The following WDR33 variants were observed in gnomAD, a reference collection of about 807,000 sequenced individuals.
WDR33 encodes WD repeat domain 33.
In WDR33, 47 loss-of-function variants were observed where a neutral mutation model predicts 164.9. That is an observed-to-expected ratio of 0.29 (90% confidence interval 0.23 to 0.36). WDR33 has a LOEUF of 0.36. Ranked by LOEUF, WDR33 falls within the 10% of genes least tolerant of loss-of-function variation. The pLI is 1.00. For missense variants in WDR33, 1,137 were observed against 1,754.1 expected (o/e 0.65, Z 6.28); for synonymous variants, 505 against 589.0 (o/e 0.86, Z 2.06).
Position 127,717,499 on chromosome 2 carries a change from C to T in WDR33, c.2761-236G>A, listed in dbSNP as rs1192551188. Among the ~76,000 whole-genome samples, 1 of 152,076 alleles carries T rather than the reference C, an allele frequency of 6.6e-6. No individual in the cohort carries two copies. Among genetic ancestry groups the T allele is most frequent in the African/African-American group, 2.4e-5 (1 of 41,400 alleles). On this transcript the variant is annotated intron_variant, in intron 16 of 21. Coordinates refer to ENST00000322313, the MANE Select transcript of WDR33 (RefSeq NM_018383.5). The surrounding 1 kb of genome is among the most constrained non-coding windows in gnomAD (Gnocchi z 5.6). ...TTTTATGTAAAATTAGATCTTTACTCGTAATGCCAAAAAAGAACATCAATG... is the reference window on the plus strand; with the variant it reads ...TTTTATGTAAAATTAGATCTTTACTTGTAATGCCAAAAAAGAACATCAATG...
chr2:127,733,386 A>G (rs947707736), intron 7 of WDR33, among the ~76,000 whole-genome samples: 3 of 152,196 alleles, frequency 2.0e-5, no homozygotes, highest in Non-Finnish European at 4.4e-5. Flanking sequence ...TGGGCACATG[A>G]AAGATTCAGC....
intron 7 of WDR33, among the ~76,000 whole-genome samples, chr2:127,734,331 T>A (rs183093509): frequency 6.6e-6 from 1 of 152,334 alleles, no homozygotes; most frequent in Admixed American, 6.5e-5. Context: ...TAGCTAGCTA[T>A]CCAGCTAAAC....
intron 7 of WDR33, among the ~76,000 whole-genome samples, chr2:127,739,561 A>G (rs1686955111): frequency 6.6e-6 from 1 of 152,228 alleles, no homozygotes; most frequent in Admixed American, 6.5e-5. Context: ...TACGTCCTTA[A>G]GTAATCTACT....
chr2:127,796,253 T>G (rs527957251), intron 1 of WDR33, among the ~76,000 whole-genome samples: 3 of 151,916 alleles, frequency 2.0e-5, no homozygotes, highest in African/African-American at 7.3e-5. Context: ...TTGTATATTT[T>G]TTTAGAGACA....
chr2:127,752,700 C>T (rs1003801960), intron 7 of WDR33, among the ~76,000 whole-genome samples: 2 of 151,686 alleles, frequency 1.3e-5, no homozygotes, highest in African/African-American at 4.8e-5. Flanking sequence ...AAACAGCATT[C>T]CTGGTTGATA....
chr2:127,734,692 C>G (rs949388527), intron 7 of WDR33, among the ~76,000 whole-genome samples: 2 of 152,152 alleles, frequency 1.3e-5, no homozygotes, highest in Non-Finnish European at 2.9e-5. Flanking sequence ...GACCTGAATA[C>G]TGGGGAGTAT....
rs6744355 is a variant in WDR33, at chr2:127,708,082, T to G, written c.3781+595A>C. 4.1e-3 allele frequency among the ~76,000 whole-genome samples: 620 copies of G among 152,270 alleles called. 1 individual carries two copies. Among genetic ancestry groups the G allele is most frequent in the African/African-American group, 0.014 (589 of 41,562 alleles). ...AGAAGCTTCCGAGCCACACCACCTATGCACCTCCCCCGCTGCCTTGCAACC... is the reference window on the plus strand; with the variant it reads ...AGAAGCTTCCGAGCCACACCACCTAGGCACCTCCCCCGCTGCCTTGCAACC... On this transcript the variant is annotated intron_variant, in intron 21 of 21. Transcript: ENST00000322313. The surrounding 1 kb of genome is among the most constrained non-coding windows in gnomAD (Gnocchi z 6.7).
chr2:127,795,703 T>A (rs1361166596), intron 1 of WDR33, among the ~76,000 whole-genome samples: 1 of 148,472 alleles, frequency 6.7e-6, no homozygotes, highest in African/African-American at 2.5e-5. Flanking sequence ...TGTGGTGGCA[T>A]GCTCCTGTGG....
chr2:127,805,003 A>T (rs1344018645), intron 1 of WDR33, among the ~76,000 whole-genome samples: 2 of 151,332 alleles, frequency 1.3e-5, no homozygotes, highest in African/African-American at 4.9e-5. Context: ...CACCTTATTG[A>T]AGGCTCATAG....
At chr2:127,750,730 A>G (rs1282244909) in intron 7 of WDR33, among the ~76,000 whole-genome samples, 1 of 71,632 alleles carries the variant, frequency 1.4e-5, no homozygotes, top group African/African-American at 8.4e-5. Flanking sequence ...ATGCATACAT[A>G]TATATGTATG....
At chr2:127,795,480 G>A (rs1400277972) in intron 1 of WDR33, among the ~76,000 whole-genome samples, 1 of 151,800 alleles carries the variant, frequency 6.6e-6, no homozygotes, top group African/African-American at 2.4e-5. Context: ...CTGTCAGGCA[G>A]GCAGAATTAC....
At position 127,722,568 on chromosome 2, in the gene WDR33, G is replaced by A. The variant is rs375636037; in HGVS notation, c.1518+23C>T. 3.7e-6 allele frequency: 6 copies of A among 1,608,834 alleles called. No individual in the cohort carries two copies. The African/African-American group carries it at 5.4e-5, about 14-fold the overall frequency. ...CCAACCAAAACCTCTCTGCGTGGAT[G>A]AGGTGGAGTCACTTTTACTTACCTG... On this transcript the variant is annotated intron_variant, in intron 14 of 21. Transcript: ENST00000322313. This position sits in a 1 kb window ranked among gnomAD's most constrained non-coding sequence, Gnocchi z 5.1.
intron 1 of WDR33, among the ~76,000 whole-genome samples, chr2:127,775,770 T>C (rs1425907761): frequency 6.6e-6 from 1 of 152,160 alleles, no homozygotes; most frequent in African/African-American, 2.4e-5. Context: ...ACAAATTTGT[T>C]CAGTAAAACG....
chr2:127,769,802 A>C (rs768422605), intron 2 of WDR33, among the ~76,000 whole-genome samples: 9 of 152,232 alleles, frequency 5.9e-5, no homozygotes, highest in African/African-American at 9.6e-5. Context: ...AATGAAAAAC[A>C]GACAAATTTT....
At position 127,781,027 on chromosome 2, in the gene WDR33, A is replaced by AT. The variant is rs527579608; in HGVS notation, c.-23-10024dup. Among the ~76,000 whole-genome samples, 168 of 151,870 alleles carry AT rather than the reference A, an allele frequency of 1.1e-3. 2 individuals carry two copies. The East Asian group carries it at 0.031, about 28-fold the overall frequency. ...AAGCGTGCCCCACCACACCCGGCTA[A>AT]TTTTTTTCGTATCTCTAATAGAGAC... On this transcript the variant is annotated intron_variant, in intron 1 of 21. Transcript: ENST00000322313.
chr2:127,752,792 G>A (rs1212307861), intron 7 of WDR33, among the ~76,000 whole-genome samples: 1 of 152,120 alleles, frequency 6.6e-6, no homozygotes, highest in African/African-American at 2.4e-5. Flanking sequence ...AAGGGAAGAG[G>A]TCATGTCTTC....
At position 127,737,682 on chromosome 2, in the gene WDR33, C is replaced by T. The variant is rs917659545; in HGVS notation, c.725-10905G>A. 15 of 1,057,750 alleles carry T rather than the reference C, an allele frequency of 1.4e-5. No homozygotes were observed. In the Admixed American group the frequency reaches 1.7e-4, roughly 12 times the overall value. 65.5% of individuals were successfully genotyped at this position (1,057,750 alleles called of 1,614,324 possible). Reference sequence around the variant, plus strand: ...CTGAAGCCCCTGGTAAGGAAGAAAACGCAGAACCAAGAAGGAAAACAAAAG... The same window carrying T: ...CTGAAGCCCCTGGTAAGGAAGAAAATGCAGAACCAAGAAGGAAAACAAAAG... On this transcript the variant is annotated intron_variant, in intron 7 of 21. Coordinates refer to ENST00000322313, the MANE Select transcript of WDR33 (RefSeq NM_018383.5).
chr2:127,788,247 T>C (rs1688678637), intron 1 of WDR33, among the ~76,000 whole-genome samples: 1 of 115,974 alleles, frequency 8.6e-6, no homozygotes, highest in Non-Finnish European at 1.8e-5. Context: ...GGCAGGGGGC[T>C]GACCCCCCCC....
In WDR33 at chr2:127,702,133, G is replaced by C. The variant is rs1189915659; in HGVS notation, c.*4190C>G. The C allele has an allele frequency of 8.2e-7, 1 of 1,215,690 alleles. No individual in the cohort carries two copies. Among genetic ancestry groups the C allele is most frequent in the Admixed American group, 4.4e-5 (1 of 22,936 alleles). 75.3% of individuals were successfully genotyped at this position (1,215,690 alleles called of 1,614,324 possible). On this transcript the variant is annotated 3_prime_UTR_variant, in exon 22 of 22. Coordinates refer to ENST00000322313, the MANE Select transcript of WDR33 (RefSeq NM_018383.5). ...ACCGCGCTGCGCCTCGCACTGGGTC[G>C]CCTGGGCCGCGGCGCCGGCCTCGCC...
Sources: allele counts gnomAD v4.1 joint callset (sites outside exome capture counted in the v4.1 genomes callset), GRCh38; gene constraint gnomAD v4.1.1; non-coding constraint Gnocchi (gnomAD v3.1); transcripts MANE v1.5; gene names NCBI Gene and HGNC (gene_info 2026-07-23, HGNC 2026-07-21).